The following FOXP1 variants were observed in gnomAD, a reference collection of about 807,000 sequenced individuals.
FOXP1 encodes forkhead box protein P1.
FOXP1 carries 15 observed loss-of-function variants against 98.2 expected under a neutral mutation model. The ratio of observed to expected loss-of-function variants is 0.15; its 90% CI spans 0.10 to 0.24. The LOEUF (loss-of-function observed/expected upper bound fraction) is 0.24, where lower values mean the gene tolerates loss of function less well. FOXP1 is among the 10% of genes least tolerant of loss of function. FOXP1 has a pLI of 1.00. For synonymous variants in FOXP1, 371 were observed against 314.5 expected, an observed-to-expected ratio of 1.18 and a Z score of -1.90; for missense variants, 633 against 848.5, an observed-to-expected ratio of 0.75 and a Z score of 3.15.
At chr3:71,109,427 G>GT (rs35600648) in intron 7 of FOXP1, among the ~76,000 whole-genome samples, 134,110 of 147,496 alleles carry the variant, frequency 0.91, 61,045 homozygotes, top group South Asian at 0.96. Flanking sequence ...GGATTTGGGG[G>GT]TTTTTTTTTT....
intron 5 of FOXP1, among the ~76,000 whole-genome samples, chr3:71,230,207 A>G (rs2066174473): frequency 6.6e-6 from 1 of 152,328 alleles, no homozygotes; most frequent in African/African-American, 2.4e-5. Context: ...GCGGCTGTGA[A>G]GTGTTCAGAG....
chr3:71,219,297 A>C (rs1280625899), intron 5 of FOXP1, among the ~76,000 whole-genome samples: 1 of 152,204 alleles, frequency 6.6e-6, no homozygotes, highest in African/African-American at 2.4e-5. Flanking sequence ...CTGGGTCTCT[A>C]TAAGGCCTAT....
chr3:71,375,097 G>C (rs563891379), intron 3 of FOXP1, among the ~76,000 whole-genome samples: 1 of 152,270 alleles, frequency 6.6e-6, no homozygotes, highest in East Asian at 1.9e-4. Context: ...AATTAAACCA[G>C]AACTGCTGTA....
At chr3:71,114,163 T>C (rs1443326870) in intron 6 of FOXP1, among the ~76,000 whole-genome samples, 1 of 152,210 alleles carries the variant, frequency 6.6e-6, no homozygotes, top group Non-Finnish European at 1.5e-5. Flanking sequence ...CCTTAGAAAG[T>C]TAGCATAATG....
At chr3:71,317,451 G>C (rs1228991058) in intron 4 of FOXP1, among the ~76,000 whole-genome samples, 3 of 151,346 alleles carry the variant, frequency 2.0e-5, no homozygotes, top group Non-Finnish European at 4.4e-5. Flanking sequence ...TATTAACTAA[G>C]AATTTAAGTA....
intron 3 of FOXP1, among the ~76,000 whole-genome samples, chr3:71,423,950 CTTATT>C (rs1456161172): frequency 1.3e-5 from 2 of 152,130 alleles, no homozygotes; most frequent in Non-Finnish European, 2.9e-5. Flanking sequence ...TTATTTCTTA[CTTATT>C]TTATGTACAT....
chr3:71,553,531 C>T (rs887425927), intron 2 of FOXP1, among the ~76,000 whole-genome samples: 4 of 152,126 alleles, frequency 2.6e-5, no homozygotes, highest in Non-Finnish European at 5.9e-5. Flanking sequence ...CGGTTCTTCA[C>T]TGGTTTTTTC....
intron 5 of FOXP1, among the ~76,000 whole-genome samples, chr3:71,214,194 G>A (rs902108431): frequency 9.2e-5 from 14 of 152,220 alleles, no homozygotes; most frequent in African/African-American, 3.4e-4. Flanking sequence ...ATCCATCCAT[G>A]TGCTATCATG....
chr3:71,245,615 G>A (rs1479029229), intron 5 of FOXP1, among the ~76,000 whole-genome samples: 1 of 114,628 alleles, frequency 8.7e-6, no homozygotes, highest in Non-Finnish European at 1.6e-5. Flanking sequence ...TCATTTAGAA[G>A]TACCTGCTAA....
intron 7 of FOXP1, among the ~76,000 whole-genome samples, chr3:71,085,874 C>A (rs71298366): frequency 6.6e-6 from 1 of 151,318 alleles, no homozygotes. Context: ...GGACCACAGG[C>A]GGGTGCCACC....
chr3:71,182,534 A>G (rs9827137), intron 6 of FOXP1, among the ~76,000 whole-genome samples: 61,100 of 137,390 alleles, frequency 0.44, 14,063 homozygotes, highest in Middle Eastern at 0.57. Flanking sequence ...GTGTGTGTGT[A>G]TATATGTATA....
intron 20 of FOXP1, among the ~76,000 whole-genome samples, chr3:70,960,100 A>G (rs1029690404): frequency 1.2e-4 from 19 of 152,210 alleles, no homozygotes; most frequent in African/African-American, 4.6e-4. Context: ...GACGACCCCA[A>G]GCGAGGTTCT....
intron 12 of FOXP1, among the ~76,000 whole-genome samples, chr3:71,005,108 G>A (rs982063902): frequency 5.9e-5 from 9 of 151,978 alleles, no homozygotes; most frequent in Admixed American, 3.3e-4. Context: ...AATATAGATT[G>A]TTTGGTAGGA....
chr3:71,240,656 C>A (rs1256802670), intron 5 of FOXP1, among the ~76,000 whole-genome samples: 5 of 151,966 alleles, frequency 3.3e-5, no homozygotes, highest in Admixed American at 6.5e-5. Flanking sequence ...CATTCTCCTG[C>A]CTCAGGTCCC....
chr3:71,076,685 T>C (rs1224349798), intron 7 of FOXP1, among the ~76,000 whole-genome samples: 1 of 152,234 alleles, frequency 6.6e-6, no homozygotes, highest in African/African-American at 2.4e-5. Flanking sequence ...CACCTGTATT[T>C]CCTATCTCAA....
intron 5 of FOXP1, chr3:71,244,821 G>A (rs2067590658): frequency 6.6e-6 from 1 of 152,006 alleles, no homozygotes; most frequent in Admixed American, 6.5e-5. Context: ...TAGTTTGAGT[G>A]ACAAAGGTCC....
intron 7 of FOXP1, among the ~76,000 whole-genome samples, chr3:71,073,632 C>T (rs1445186423): frequency 6.6e-6 from 1 of 152,194 alleles, no homozygotes; most frequent in East Asian, 1.9e-4. Flanking sequence ...TGATTATCTG[C>T]CTCAGAGTAG....
intron 2 of FOXP1, among the ~76,000 whole-genome samples, chr3:71,517,414 C>A (rs2042662783): frequency 6.6e-6 from 1 of 152,152 alleles, no homozygotes; most frequent in Non-Finnish European, 1.5e-5. Context: ...GATTTAGCAG[C>A]CAAACTGGCA....
intron 3 of FOXP1, among the ~76,000 whole-genome samples, chr3:71,411,513 A>T (rs528670181): frequency 6.6e-6 from 1 of 152,230 alleles, no homozygotes; most frequent in South Asian, 2.1e-4. Flanking sequence ...TAGTAGAGAC[A>T]GGGTTTCACC....
Sources: gnomAD v4.1 joint callset for allele counts (sites outside exome capture counted in the v4.1 genomes callset) on GRCh38, gnomAD v4.1.1 for gene constraint, MANE v1.5 for transcripts, NCBI Gene and HGNC (gene_info 2026-07-23, HGNC 2026-07-21) for gene names.